The following UNC13A variants were observed in gnomAD, a reference collection of about 807,000 sequenced individuals.
UNC13A encodes the protein protein unc-13 homolog A.
UNC13A carries 61 observed loss-of-function variants against 219.7 expected under a neutral mutation model. The observed-to-expected ratio is 0.28, with a 90% CI of 0.23 to 0.34. The LOEUF (loss-of-function observed/expected upper bound fraction) is 0.34, where lower values mean the gene tolerates loss of function less well. Among genes scored for constraint, UNC13A ranks in the 10% least tolerant of loss-of-function variants. UNC13A has a pLI of 1.00. For missense variants in UNC13A, 1,476 were observed against 2,270.3 expected (o/e 0.65, Z 7.11); for synonymous variants, 920 against 884.6 (o/e 1.04, Z -0.71).
chr19:17,624,122 C>CT (rs762349924), intron 35 of UNC13A, among the ~76,000 whole-genome samples: 2,520 of 136,324 alleles, frequency 0.018, 106 homozygotes, highest in African/African-American at 0.058. Context: ...TATGCCTTCT[C>CT]TTTTTTTTTT....
chr19:17,654,057 G>A (rs577953481), intron 11 of UNC13A, among the ~76,000 whole-genome samples: 18 of 151,710 alleles, frequency 1.2e-4, no homozygotes, highest in African/African-American at 4.4e-4. Flanking sequence ...TCGATCTCCT[G>A]ACCTCGTGAT....
intron 4 of UNC13A, among the ~76,000 whole-genome samples, 160 bp from the exon 5 acceptor site, chr19:17,669,836 C>T (rs1487885708): frequency 1.3e-5 from 2 of 151,540 alleles, no homozygotes; most frequent in Non-Finnish European, 2.9e-5. Context: ...TCCCTTCCTT[C>T]CTTCCCTCCC....
intron 7 of UNC13A, among the ~76,000 whole-genome samples, chr19:17,664,314 A>G (rs1006386856): frequency 1.3e-5 from 2 of 152,152 alleles, no homozygotes; most frequent in African/African-American, 2.4e-5. Context: ...TACTCATTTT[A>G]TGGGTGAAAC....
Position 17,605,077 on chromosome 19 carries a change from G to A in UNC13A, c.*977C>T, listed in dbSNP as rs1002367076. 6.5e-6 allele frequency: 1 copy of A among 152,720 alleles called. No homozygotes were observed. Among genetic ancestry groups the A allele is most frequent in the Non-Finnish European group, 1.5e-5 (1 of 68,092 alleles). The allele number at this position is 152,720 out of a possible 1,614,324, so 9.5% of individuals were successfully genotyped here. On this transcript the variant is annotated 3_prime_UTR_variant, in exon 44 of 44. Transcript: ENST00000519716. ...AGGGCTGAGGGCAAAGGTCCTGCTT[G>A]GCAGCCGGAGAAGGAAAGGCGAAGT...
At chr19:17,650,212 T>C (rs2079317584) in intron 12 of UNC13A, among the ~76,000 whole-genome samples, 1 of 152,074 alleles carries the variant, frequency 6.6e-6, no homozygotes, top group Non-Finnish European at 1.5e-5. Context: ...CTAAATAATA[T>C]ACTAAAATAT....
chr19:17,655,459 A>ATCACTTGCAC, intron 10 of UNC13A, 77 bp from the exon 11 acceptor site: 1 of 1,156,686 alleles, frequency 8.6e-7, no homozygotes, highest in Non-Finnish European at 1.2e-6. Flanking sequence ...CCAGCTGTGC[A>ATCACTTGCAC]AGTGATGCAT....
At chr19:17,682,285 A>AT (rs1406089522) in intron 1 of UNC13A, among the ~76,000 whole-genome samples, 1 of 151,966 alleles carries the variant, frequency 6.6e-6, no homozygotes, top group Non-Finnish European at 1.5e-5. Context: ...TTTGCTCACG[A>AT]TTATTGGGCC....
At chr19:17,645,870 A>G (rs749477737) in intron 18 of UNC13A, 27 bp from the exon 19 acceptor site, 42 of 1,590,856 alleles carry the variant, frequency 2.6e-5, no homozygotes, top group Admixed American at 2.0e-4. Context: ...AGGCAGAGGC[A>G]GGGGTCAGGC....
At chr19:17,665,797 A>T (rs1456280371) in intron 7 of UNC13A, among the ~76,000 whole-genome samples, 1 of 152,212 alleles carries the variant, frequency 6.6e-6, no homozygotes, top group South Asian at 2.1e-4. Flanking sequence ...ATACGCCCTC[A>T]TCCAGGATCT....
chr19:17,630,612 A>T, intron 29 of UNC13A, 42 bp downstream of exon 29: 1 of 1,603,414 alleles, frequency 6.2e-7, no homozygotes, highest in Non-Finnish European at 8.5e-7. Flanking sequence ...AATTGACCCC[A>T]GTGGGAAGAT....
At chr19:17,607,605 G>A (rs1014769527) in intron 43 of UNC13A, among the ~76,000 whole-genome samples, 8 of 124,310 alleles carry the variant, frequency 6.4e-5, no homozygotes, top group African/African-American at 9.2e-5. Context: ...TTAAAGACAG[G>A]GTCTCGCTAT....
At chr19:17,619,047 A>G (rs946007242) in intron 38 of UNC13A, 85 bp from the exon 39 acceptor site, 10 of 1,342,160 alleles carry the variant, frequency 7.5e-6, no homozygotes, top group Admixed American at 3.4e-5. Context: ...GTTCTTGCCC[A>G]AAGGCTCTGG....
intron 22 of UNC13A, 51 bp downstream of exon 22, chr19:17,640,460 G>T (rs895776493): frequency 2.0e-5 from 31 of 1,520,596 alleles, no homozygotes; most frequent in Non-Finnish European, 2.7e-5. Flanking sequence ...GATCTGACCG[G>T]CATAAAGTTG....
chr19:17,646,254 AGAGAGG>A, intron 17 of UNC13A, 143 bp from the exon 18 acceptor site: 1 of 1,078,492 alleles, frequency 9.3e-7, no homozygotes, highest in Non-Finnish European at 1.3e-6. Context: ...TGGGCTTGCC[AGAGAGG>A]TTTTTTGTGT....
rs1006666136 is a variant in UNC13A at position 17,630,657 on chromosome 19, A to G, written c.3522T>C (p.Asp1174=). ...GGTTGTGGGTGGGCCTTCTTACCCC[A>G]TCCTTCTTGTCTCGCTCCAGGGCAC... The part of the protein sequence containing the change: ...LHGALERDKK[D]GFQQTSEHAL... Residue 1174 remains aspartate, a synonymous_variant, in exon 29 of 44, where the codon GAT becomes GAC. Coordinates refer to ENST00000519716, the MANE Select transcript of UNC13A (RefSeq NM_001080421.3). The G allele has an allele frequency of 1.2e-6, 2 of 1,613,762 alleles. No homozygotes were observed. The highest frequency in any genetic ancestry group is 1.3e-5 in the African/African-American group (1 of 74,888).
chr19:17,656,178 C>T lies in UNC13A; in HGVS notation c.988G>A (p.Asp330Asn), dbSNP rs2079449601. 6.4e-7 allele frequency: 1 copy of T among 1,552,106 alleles called. No homozygotes were observed. The highest frequency in any genetic ancestry group is 8.7e-7 in the Non-Finnish European group (1 of 1,147,100). The change falls in exon 10 of 44, where the codon GAC becomes AAC. Residue 330 changes from aspartate (D) to asparagine (N), a missense_variant. Transcript: ENST00000519716. ...DEEELEEDLE[D>N]FLEEEELPED... ...GGCAGCTCCTCCTCCTCCAGGAAGTCCTCCAGGTCCTCCTCCAGCTCTTCC... is the reference window on the plus strand; with the variant it reads ...GGCAGCTCCTCCTCCTCCAGGAAGTTCTCCAGGTCCTCCTCCAGCTCTTCC...
intron 8 of UNC13A, among the ~76,000 whole-genome samples, chr19:17,662,843 C>A (rs985067162): frequency 2.0e-5 from 3 of 151,656 alleles, no homozygotes; most frequent in Non-Finnish European, 4.4e-5. Flanking sequence ...TGGCGTGAAC[C>A]CTGGAGGCAG....
Position 17,640,690 on chromosome 19 carries a change from C to T in UNC13A, c.2637-29G>A, listed in dbSNP as rs1267749961. The T allele has an allele frequency of 8.4e-6, 13 of 1,547,050 alleles. No homozygotes were observed. In the South Asian group the frequency reaches 1.5e-4, roughly 18 times the overall value. On this transcript the variant is annotated intron_variant, in intron 21 of 43. Transcript: ENST00000519716. ...GAGAGAGGGAGCAGGAGGCACTAGGCCAGGGGTCCAGCCAGGATGGACCAA... is the reference window on the plus strand; with the variant it reads ...GAGAGAGGGAGCAGGAGGCACTAGGTCAGGGGTCCAGCCAGGATGGACCAA...
chr19:17,679,408 T>TATAATA (rs548278832), intron 1 of UNC13A, among the ~76,000 whole-genome samples: 24 of 149,418 alleles, frequency 1.6e-4, no homozygotes, highest in African/African-American at 4.2e-4. Context: ...TCAAAAAATA[T>TATAATA]ATAATAATAA....
Sources: gnomAD v4.1 joint callset for allele counts (sites outside exome capture counted in the v4.1 genomes callset) on GRCh38, gnomAD v4.1.1 for gene constraint, MANE v1.5 for transcripts, NCBI Gene and HGNC (gene_info 2026-07-23, HGNC 2026-07-21) for gene names.